The following METTL15 variants were observed in gnomAD, a reference collection of about 807,000 sequenced individuals.
The protein encoded by METTL15 is 12S rRNA N(4)-cytidine methyltransferase METTL15.
A neutral mutation model predicts 38.3 loss-of-function variants in METTL15; 34 were observed. That is an observed-to-expected ratio of 0.89 (90% CI 0.68 to 1.18). The LOEUF is 1.18. METTL15 is among the 50% of genes most tolerant of loss of function. The pLI is 0.00. For missense variants in METTL15, 438 were observed against 498.4 expected (o/e 0.88, Z 1.15); for synonymous variants, 162 against 170.9 (o/e 0.95, Z 0.41).
At chr11:28,480,752 A>G (rs956894238) in intron 6 of METTL15, among the ~76,000 whole-genome samples, 1 of 152,192 alleles carries the variant, frequency 6.6e-6, no homozygotes, top group African/African-American at 2.4e-5. Flanking sequence ...GCTATTCGTA[A>G]TTCTCATTTG....
intron 4 of METTL15, among the ~76,000 whole-genome samples, chr11:28,253,918 T>C (rs1854859232): frequency 6.6e-6 from 1 of 152,180 alleles, no homozygotes; most frequent in Non-Finnish European, 1.5e-5. Context: ...ATCTTGGCTA[T>C]TCTGAACAGT....
intron 5 of METTL15, among the ~76,000 whole-genome samples, chr11:28,372,383 T>C (rs542958856): frequency 1.3e-5 from 2 of 151,960 alleles, no homozygotes; most frequent in South Asian, 4.1e-4. Flanking sequence ...TTTCTTGGTT[T>C]TGTTGAGGAT....
intron 4 of METTL15, among the ~76,000 whole-genome samples, chr11:28,235,853 A>T (rs1853935593): frequency 6.6e-6 from 1 of 152,070 alleles, no homozygotes; most frequent in South Asian, 2.1e-4. Context: ...GTTGAATAGG[A>T]GTGGTGAGAG....
intron 3 of METTL15, among the ~76,000 whole-genome samples, chr11:28,126,625 T>C (rs1852499442): frequency 6.6e-6 from 1 of 151,744 alleles, no homozygotes; most frequent in African/African-American, 2.4e-5. Flanking sequence ...TGAGGTGTTA[T>C]ATCTGAGTTT....
chr11:28,398,599 A>G (rs888701300), intron 5 of METTL15, among the ~76,000 whole-genome samples: 3 of 152,164 alleles, frequency 2.0e-5, no homozygotes, highest in South Asian at 2.1e-4. Context: ...ATAGATTGCA[A>G]AAATTTTCTC....
At chr11:28,281,559 T>G (rs1201209665) in intron 4 of METTL15, among the ~76,000 whole-genome samples, 1 of 152,210 alleles carries the variant, frequency 6.6e-6, no homozygotes, top group Non-Finnish European at 1.5e-5. Flanking sequence ...TTATCTAGCT[T>G]TTCTAGTTTT....
At chr11:28,470,037 CA>C (rs1851289860) in intron 6 of METTL15, among the ~76,000 whole-genome samples, 1 of 118,928 alleles carries the variant, frequency 8.4e-6, no homozygotes, top group Non-Finnish European at 2.0e-5. Context: ...ACAAAAGCAA[CA>C]AAAGAAAAAA....
chr11:28,158,395 A>G (rs1205604647), intron 3 of METTL15, among the ~76,000 whole-genome samples: 1 of 152,162 alleles, frequency 6.6e-6, no homozygotes, highest in Non-Finnish European at 1.5e-5. Flanking sequence ...GCTCAGCAAC[A>G]TGGACTTCCA....
chr11:28,138,210 GT>G (rs1424099956), intron 3 of METTL15, among the ~76,000 whole-genome samples: 1 of 151,876 alleles, frequency 6.6e-6, no homozygotes, highest in Non-Finnish European at 1.5e-5. Flanking sequence ...CCTCTCATGT[GT>G]GCATTAAGAG....
At chr11:28,197,230 C>A (rs747923218) in intron 3 of METTL15, among the ~76,000 whole-genome samples, 6 of 151,644 alleles carry the variant, frequency 4.0e-5, no homozygotes, top group African/African-American at 1.2e-4. Flanking sequence ...AGTGTATTAT[C>A]GAGAGTCTCC....
intron 3 of METTL15, among the ~76,000 whole-genome samples, chr11:28,160,697 T>A (rs1428964195): frequency 6.6e-6 from 1 of 152,132 alleles, no homozygotes; most frequent in African/African-American, 2.4e-5. Flanking sequence ...GATTTTGCAA[T>A]AATAACATAT....
chr11:28,144,744 T>C (rs1849820863), intron 3 of METTL15, among the ~76,000 whole-genome samples: 1 of 152,122 alleles, frequency 6.6e-6, no homozygotes, highest in South Asian at 2.1e-4. Context: ...TATTAAAGGA[T>C]GTAAACATTT....
intron 3 of METTL15, among the ~76,000 whole-genome samples, chr11:28,202,410 A>AT (rs1852150980): frequency 6.6e-6 from 1 of 151,944 alleles, no homozygotes; most frequent in East Asian, 1.9e-4. Flanking sequence ...TTGACTCCTT[A>AT]TGGAATGCTA....
chr11:28,316,370 C>T (rs1857481481), intron 6 of METTL15, among the ~76,000 whole-genome samples: 1 of 152,172 alleles, frequency 6.6e-6, no homozygotes, highest in South Asian at 2.1e-4. Context: ...TTGTTTAGGC[C>T]AATTTCTTCC....
intron 5 of METTL15, among the ~76,000 whole-genome samples, chr11:28,375,038 C>G (rs1021356760): frequency 6.7e-6 from 1 of 150,208 alleles, no homozygotes; most frequent in African/African-American, 2.4e-5. Context: ...GGTGGATAAG[C>G]TTTTTGATGT....
At chr11:28,417,557 T>C (rs1415187929) in intron 5 of METTL15, among the ~76,000 whole-genome samples, 1 of 152,222 alleles carries the variant, frequency 6.6e-6, no homozygotes, top group Non-Finnish European at 1.5e-5. Context: ...TCAATGCACA[T>C]GCTAACATAT....
rs1191252556 is a variant in METTL15, at chr11:28,257,934, A to T, written c.408-32272A>T. Among the ~76,000 whole-genome samples, 7 of 152,146 alleles carry T rather than the reference A, an allele frequency of 4.6e-5. No individual in the cohort carries two copies. The East Asian group carries it at 1.4e-3, about 30-fold the overall frequency. The stretch of plus-strand genomic sequence containing the variant: ...GGTCATGTTTTCCTGGATCATCTTG[A>T]TACTTGTAGATGTTCTTCTGTGTTT... On this transcript the variant is annotated intron_variant, in intron 4 of 6. Coordinates refer to ENST00000407364, the MANE Select transcript of METTL15 (RefSeq NM_001113528.2).
At chr11:28,476,705 C>T (rs1196691847) in intron 6 of METTL15, among the ~76,000 whole-genome samples, 1 of 152,174 alleles carries the variant, frequency 6.6e-6, no homozygotes, top group Non-Finnish European at 1.5e-5. Flanking sequence ...GGATCCTACC[C>T]TGGTCACATG....
chr11:28,174,321 A>G (rs1248083091), intron 3 of METTL15, among the ~76,000 whole-genome samples: 1 of 152,138 alleles, frequency 6.6e-6, no homozygotes, highest in Non-Finnish European at 1.5e-5. Flanking sequence ...TTTTCCCACT[A>G]CATTTTATTA....
Sources: allele counts gnomAD v4.1 joint callset (sites outside exome capture counted in the v4.1 genomes callset), GRCh38; gene constraint gnomAD v4.1.1; transcripts MANE v1.5; gene names NCBI Gene and HGNC (gene_info 2026-07-23, HGNC 2026-07-21).